GALNT13: variants seen among roughly 807,000 people sequenced by gnomAD.
GALNT13 encodes UDP-GalNAc:polypeptide N-acetylgalactosaminyltransferase 13.
A neutral mutation model predicts 64.2 loss-of-function variants in GALNT13; 28 were observed. That is an observed-to-expected ratio of 0.44 (90% CI 0.32 to 0.60). GALNT13 has a LOEUF of 0.60. Among genes scored for constraint, GALNT13 ranks in the 20% least tolerant of loss-of-function variants. GALNT13 has a pLI of 0.05. For missense variants in GALNT13, 577 were observed against 669.8 expected, an observed-to-expected ratio of 0.86 and a Z score of 1.53; for synonymous variants, 214 against 224.6, an observed-to-expected ratio of 0.95 and a Z score of 0.42.
chr2:154,402,832 A>T (rs537028358), intron 10 of GALNT13, among the ~76,000 whole-genome samples: 29 of 152,184 alleles, frequency 1.9e-4, no homozygotes, highest in Non-Finnish European at 4.0e-4. Flanking sequence ...TTGTGAGTAT[A>T]TATTTGAGGT....
intron 4 of GALNT13, among the ~76,000 whole-genome samples, chr2:154,178,894 A>G (rs1393315972): frequency 6.6e-6 from 1 of 152,168 alleles, no homozygotes; most frequent in Admixed American, 6.6e-5. Flanking sequence ...CTTTAGCAAC[A>G]TTTAAAACTC....
chr2:153,974,371 C>T (rs1693941336), intron 3 of GALNT13, among the ~76,000 whole-genome samples: 1 of 152,036 alleles, frequency 6.6e-6, no homozygotes, highest in African/African-American at 2.4e-5. Context: ...AAGGTGTGAC[C>T]TTGTTAAATT....
chr2:153,984,435 A>T (rs1052309640), intron 3 of GALNT13, among the ~76,000 whole-genome samples: 1 of 151,730 alleles, frequency 6.6e-6, no homozygotes, highest in Non-Finnish European at 1.5e-5. Context: ...ATACATCCTA[A>T]CAGTGAAATT....
chr2:153,203,717 A>C, the GALNT13 span, among the ~76,000 whole-genome samples: 12 of 152,204 alleles, frequency 7.9e-5, no homozygotes, highest in African/African-American at 2.9e-4. Flanking sequence ...ACCACAAGAA[A>C]TCACTTAACC....
At chr2:153,825,608 C>CTGTGTGTGTGTGTGTG in the GALNT13 span, among the ~76,000 whole-genome samples, 39 of 134,864 alleles carry the variant, frequency 2.9e-4, no homozygotes, top group African/African-American at 1.0e-3. Flanking sequence ...TCCATGAGTG[C>CTGTGTGTGTGTGTGTG]TGTGTGTGTG....
the GALNT13 span, among the ~76,000 whole-genome samples, chr2:153,606,845 G>T: frequency 4.8e-4 from 72 of 149,622 alleles, no homozygotes; most frequent in African/African-American, 1.7e-3. Flanking sequence ...TTCCCTAAAA[G>T]CTCTGTGTCA....
chr2:154,088,515 G>A (rs1281325798), intron 3 of GALNT13, among the ~76,000 whole-genome samples: 2 of 152,106 alleles, frequency 1.3e-5, no homozygotes. Context: ...GCAATGGCAC[G>A]ATCTTGGCTC....
chr2:153,703,550 C>A, the GALNT13 span, among the ~76,000 whole-genome samples: 1 of 151,786 alleles, frequency 6.6e-6, no homozygotes, highest in Non-Finnish European at 1.5e-5. Context: ...GCCTTCCTTT[C>A]TTAGTACTTC....
chr2:153,243,548 G>A, the GALNT13 span, among the ~76,000 whole-genome samples: 6 of 146,030 alleles, frequency 4.1e-5, no homozygotes, highest in Admixed American at 4.0e-4. Context: ...TCAGACTACT[G>A]GAGAAACAGT....
chr2:154,325,820 A>G (rs1694848366), intron 9 of GALNT13, among the ~76,000 whole-genome samples: 1 of 152,124 alleles, frequency 6.6e-6, no homozygotes, highest in South Asian at 2.1e-4. Context: ...TCAATATGGT[A>G]TATAACTAGC....
chr2:153,883,760 A>G (rs927264746), intron 1 of GALNT13, among the ~76,000 whole-genome samples: 1 of 152,078 alleles, frequency 6.6e-6, no homozygotes, highest in African/African-American at 2.4e-5. Flanking sequence ...ACAAAGAAAA[A>G]AAGTAGAAAT....
At chr2:153,282,132 G>A in the GALNT13 span, among the ~76,000 whole-genome samples, 726 of 150,792 alleles carry the variant, frequency 4.8e-3, 9 homozygotes, top group Non-Finnish European at 6.3e-3. Flanking sequence ...TTTTTTTTCT[G>A]ACTGGGTTTA....
chr2:153,351,214 T>C, the GALNT13 span, among the ~76,000 whole-genome samples: 36,011 of 151,944 alleles, frequency 0.24, 4,945 homozygotes, highest in African/African-American at 0.38. Flanking sequence ...TGTATGTTTT[T>C]TACTCTCATT....
chr2:153,222,466 G>C, the GALNT13 span, among the ~76,000 whole-genome samples: 2 of 152,010 alleles, frequency 1.3e-5, no homozygotes, highest in Non-Finnish European at 2.9e-5. Context: ...ACCAGGAGCT[G>C]ACAGCCCAGC....
intron 3 of GALNT13, among the ~76,000 whole-genome samples, chr2:153,979,423 G>T (rs1306236332): frequency 6.6e-6 from 1 of 152,106 alleles, no homozygotes; most frequent in Non-Finnish European, 1.5e-5. Flanking sequence ...ATCCAGGAAT[G>T]AATTAAAAAT....
the GALNT13 span, among the ~76,000 whole-genome samples, chr2:153,103,823 A>G: frequency 6.6e-6 from 1 of 152,336 alleles, no homozygotes; most frequent in Non-Finnish European, 1.5e-5. Flanking sequence ...GCAGAAATTA[A>G]TCTGCTGCTT....
intron 8 of GALNT13, among the ~76,000 whole-genome samples, chr2:154,293,156 A>AAAT (rs1483124301): frequency 6.6e-6 from 1 of 152,300 alleles, no homozygotes; most frequent in East Asian, 1.9e-4. Flanking sequence ...AAAGCCTAGA[A>AAAT]AATAACAATC....
the GALNT13 span, among the ~76,000 whole-genome samples, chr2:153,721,662 T>C: frequency 6.6e-6 from 1 of 151,392 alleles, no homozygotes; most frequent in Non-Finnish European, 1.5e-5. Flanking sequence ...GTTGCAATCC[T>C]AGTCTCTGAT....
the GALNT13 span, among the ~76,000 whole-genome samples, chr2:153,085,523 G>A: frequency 6.6e-6 from 1 of 152,202 alleles, no homozygotes; most frequent in African/African-American, 2.4e-5. Flanking sequence ...AAGCACCAAA[G>A]TGTAGCTCAG....
Sources: gnomAD v4.1 joint callset for allele counts (sites outside exome capture counted in the v4.1 genomes callset) on GRCh38, gnomAD v4.1.1 for gene constraint, MANE v1.5 for transcripts, NCBI Gene and HGNC (gene_info 2026-07-23, HGNC 2026-07-21) for gene names.